The following FBXL4 variants were observed in gnomAD, a reference collection of about 807,000 sequenced individuals.
FBXL4 encodes the protein F-box/LRR-repeat protein 4.
Under a neutral mutation model 58.9 loss-of-function variants are expected in FBXL4, and 40 were observed. The observed-to-expected ratio is 0.68, with a 90% confidence interval of 0.53 to 0.88. FBXL4 has a LOEUF of 0.88. FBXL4 is among the 40% of genes least tolerant of loss of function. The probability of loss-of-function intolerance (pLI) is 0.00; values close to 1 mark genes in which losing one functional copy is unlikely to be tolerated. For missense variants in FBXL4, 676 were observed against 734.4 expected (o/e 0.92, Z 0.92); for synonymous variants, 263 against 265.5 (o/e 0.99, Z 0.09).
intron 2 of FBXL4, among the ~76,000 whole-genome samples, chr6:98,932,907 A>G (rs1247132009): frequency 6.6e-6 from 1 of 151,716 alleles, no homozygotes; most frequent in Admixed American, 6.6e-5. Context: ...CAATGAAGTC[A>G]TAGAAAAAAA....
intron 7 of FBXL4, among the ~76,000 whole-genome samples, chr6:98,884,915 T>G (rs911426804): frequency 2.0e-5 from 3 of 152,212 alleles, no homozygotes; most frequent in Non-Finnish European, 1.5e-5. Flanking sequence ...CTATATGCTT[T>G]CCTTCCAGAG....
intron 4 of FBXL4, among the ~76,000 whole-genome samples, chr6:98,918,747 G>C (rs543001726): frequency 1.6e-4 from 24 of 151,910 alleles, no homozygotes; most frequent in Non-Finnish European, 3.1e-4. Flanking sequence ...TTACATCAAA[G>C]AATAAGAATA....
intron 1 of FBXL4, among the ~76,000 whole-genome samples, chr6:98,936,958 T>C (rs1021359886): frequency 2.6e-5 from 4 of 152,206 alleles, no homozygotes; most frequent in Non-Finnish European, 2.9e-5. Context: ...AATCCCATTA[T>C]ACAGTTGACC....
In FBXL4 at chr6:98,926,956, C is replaced by A; in HGVS notation, c.33G>T (p.Leu11=). 1 of 1,613,996 alleles carries A rather than the reference C, an allele frequency of 6.2e-7. No individual in the cohort carries two copies. Among genetic ancestry groups the A allele is most frequent in the South Asian group, 1.1e-5 (1 of 91,038 alleles). Residue 11 remains leucine (L), a synonymous_variant, in exon 4 of 10, where the codon CTG becomes CTT. Coordinates refer to ENST00000369244, the MANE Select transcript of FBXL4 (RefSeq NM_001278716.2). MSPVFPMLTV[L]TMFYYICLRR... is the part of the protein sequence containing the mutation. ...GAAGGCATATATAATAAAACATGGT[C>A]AGAACTGTTAACATGGGAAAGACCG...
intron 1 of FBXL4, among the ~76,000 whole-genome samples, chr6:98,937,289 G>C (rs562968010): frequency 1.7e-4 from 26 of 149,912 alleles, no homozygotes; most frequent in Admixed American, 9.3e-4. Context: ...CAGCCTGGGT[G>C]ACTTCGTCTC....
intron 5 of FBXL4, among the ~76,000 whole-genome samples, 185 bp downstream of exon 5, chr6:98,917,189 A>G (rs1012618872): frequency 2.0e-5 from 3 of 152,030 alleles, no homozygotes; most frequent in Non-Finnish European, 2.9e-5. Flanking sequence ...CCAAACCAAA[A>G]CAAAAGCAGT....
At chr6:98,899,730 A>G (rs905624161) in intron 6 of FBXL4, among the ~76,000 whole-genome samples, 6 of 152,190 alleles carry the variant, frequency 3.9e-5, no homozygotes, top group African/African-American at 1.4e-4. Context: ...CTAAGTGGAA[A>G]ATTAAGAAAG....
chr6:98,946,893 G>A (rs1181679096), intron 1 of FBXL4, among the ~76,000 whole-genome samples: 4 of 152,278 alleles, frequency 2.6e-5, no homozygotes, highest in East Asian at 3.9e-4. Flanking sequence ...ACAATATGCG[G>A]TACAGGATAA....
rs146136541 is a variant in FBXL4 at position 98,926,569 on chromosome 6, T to G, written c.420A>C (p.Val140=). ...TFEQQVYPTA[V]HVLETYHPGA... ...CGGGATGATAGGTTTCTAGAACATG[T>G]ACAGCTGTAGGATACACCTGTTGTT... The change falls in exon 4 of 10, where the codon GTA becomes GTC. Residue 140 remains valine (V), a synonymous_variant. Coordinates refer to ENST00000369244, the MANE Select transcript of FBXL4 (RefSeq NM_001278716.2). The G allele has an allele frequency of 6.2e-7, 1 of 1,614,144 alleles. No individual in the cohort carries two copies. Among genetic ancestry groups the G allele is most frequent in the Non-Finnish European group, 8.5e-7 (1 of 1,179,954 alleles).
chr6:98,899,680 G>T (rs1215980859), intron 6 of FBXL4, among the ~76,000 whole-genome samples, 199 bp from the exon 7 acceptor site: 2 of 151,954 alleles, frequency 1.3e-5, no homozygotes, highest in Non-Finnish European at 2.9e-5. Context: ...CAACTTGAGA[G>T]AACAAAATGA....
intron 5 of FBXL4, among the ~76,000 whole-genome samples, chr6:98,912,591 A>C (rs1238967677): frequency 1.3e-5 from 2 of 152,316 alleles, no homozygotes; most frequent in East Asian, 3.9e-4. Context: ...TCATAAGTGA[A>C]GGAGAAATAA....
chr6:98,913,579 G>A (rs367949849), intron 5 of FBXL4, among the ~76,000 whole-genome samples: 3 of 152,112 alleles, frequency 2.0e-5, no homozygotes, highest in Admixed American at 1.3e-4. Context: ...GGTACATAAC[G>A]AAATGAAGGC....
intron 5 of FBXL4, among the ~76,000 whole-genome samples, chr6:98,907,674 G>C (rs1371506016): frequency 6.6e-6 from 1 of 152,014 alleles, no homozygotes; most frequent in Admixed American, 6.5e-5. Context: ...TTAGATGAGA[G>C]AGGGTTTTTT....
rs913376585 is a variant in FBXL4 at position 98,872,164 on chromosome 6, T to C, written c.*2114A>G. The C allele has an allele frequency of 2.0e-5, 3 of 152,198 alleles. No individual in the cohort carries two copies. Among genetic ancestry groups the C allele is most frequent in the African/African-American group, 7.2e-5 (3 of 41,452 alleles). 9.4% of individuals were successfully genotyped at this position (152,198 alleles called of 1,614,324 possible). On this transcript the variant is annotated 3_prime_UTR_variant, in exon 10 of 10. Coordinates refer to ENST00000369244, the MANE Select transcript of FBXL4 (RefSeq NM_001278716.2). ...AGCTCACACCATAGTGCCTGCAGTA[T>C]TTTTTGGAGTTTGCAAATGTAAAGG...
chr6:98,911,926 G>GA (rs1772093257), intron 5 of FBXL4, among the ~76,000 whole-genome samples: 1 of 152,064 alleles, frequency 6.6e-6, no homozygotes, highest in Admixed American at 6.5e-5. Context: ...TAAAAACTTT[G>GA]AAAAAAATTT....
chr6:98,875,634 T>G lies in FBXL4; in HGVS notation c.1483A>C (p.Asn495His), dbSNP rs568736395. ...CCAGAAGCCAGTTCTGCTATTCCATTCTCAGTAATATTCTTACATCTCCAC... is the reference window on the plus strand; with the variant it reads ...CCAGAAGCCAGTTCTGCTATTCCATGCTCAGTAATATTCTTACATCTCCAC... The part of the protein sequence containing the change: ...DLWRCKNITE[N>H]GIAELASGCP... The change falls in exon 9 of 10, where the codon AAT (asparagine) becomes CAT (histidine). Residue 495 changes from asparagine to histidine, a missense_variant. Physicochemically the swap from Asn to His is moderately conservative, Grantham distance 68. Coordinates refer to ENST00000369244, the MANE Select transcript of FBXL4 (RefSeq NM_001278716.2). The G allele has an allele frequency of 1.1e-5, 17 of 1,614,108 alleles. No individual in the cohort carries two copies. The East Asian group carries it at 3.3e-4, about 32-fold the overall frequency.
At chr6:98,918,239 T>G (rs573877039) in intron 4 of FBXL4, among the ~76,000 whole-genome samples, 1 of 152,206 alleles carries the variant, frequency 6.6e-6, no homozygotes, top group African/African-American at 2.4e-5. Context: ...AAACTGTTTC[T>G]TGTATATGCC....
At chr6:98,901,864 C>T (rs993886793) in intron 6 of FBXL4, among the ~76,000 whole-genome samples, 2 of 152,094 alleles carry the variant, frequency 1.3e-5, no homozygotes, top group African/African-American at 4.8e-5. Context: ...TTACTTCCTG[C>T]AGTCAATTCA....
At chr6:98,943,570 A>G (rs1369665555) in intron 1 of FBXL4, among the ~76,000 whole-genome samples, 3 of 98,888 alleles carry the variant, frequency 3.0e-5, no homozygotes, top group African/African-American at 1.5e-4. Context: ...ACAGAGCAAG[A>G]CTCTGTCTCA....
Sources: allele counts gnomAD v4.1 joint callset (sites outside exome capture counted in the v4.1 genomes callset), GRCh38; gene constraint gnomAD v4.1.1; transcripts MANE v1.5; gene names NCBI Gene and HGNC (gene_info 2026-07-23, HGNC 2026-07-21).